The following SCHIP1 variants were observed in gnomAD, a reference collection of about 807,000 sequenced individuals.
SCHIP1 encodes schwannomin-interacting protein 1.
A neutral mutation model predicts 29.7 loss-of-function variants in SCHIP1; 8 were observed. That is an observed-to-expected ratio of 0.27 (90% confidence interval 0.16 to 0.49). The LOEUF (loss-of-function observed/expected upper bound fraction) is 0.49, where lower values mean the gene tolerates loss of function less well. Ranked by LOEUF, SCHIP1 falls within the 20% of genes least tolerant of loss-of-function variation. The probability of loss-of-function intolerance (pLI) is 0.99; values close to 1 mark genes in which losing one functional copy is unlikely to be tolerated. For synonymous variants in SCHIP1, 76 were observed against 94.9 expected (o/e 0.80, Z 1.16); for missense variants, 193 against 294.6 (o/e 0.66, Z 2.52).
the SCHIP1 span, among the ~76,000 whole-genome samples, chr3:159,646,970 A>C: frequency 2.1e-4 from 32 of 152,274 alleles, 1 homozygote; most frequent in African/African-American, 7.5e-4. Flanking sequence ...ATATCCATGT[A>C]GATCTGGAAC....
At chr3:159,497,467 A>G in the SCHIP1 span, among the ~76,000 whole-genome samples, 2 of 152,030 alleles carry the variant, frequency 1.3e-5, no homozygotes, top group Admixed American at 1.3e-4. Flanking sequence ...TAATCTTCAA[A>G]ACCACCCCCA....
the SCHIP1 span, among the ~76,000 whole-genome samples, chr3:159,286,729 G>T: frequency 2.0e-5 from 3 of 152,068 alleles, no homozygotes; most frequent in Non-Finnish European, 4.4e-5. Flanking sequence ...AATCTTACCA[G>T]CACCTGTTAT....
At chr3:159,546,558 G>C in the SCHIP1 span, among the ~76,000 whole-genome samples, 1 of 152,010 alleles carries the variant, frequency 6.6e-6, no homozygotes, top group South Asian at 2.1e-4. Flanking sequence ...TTGTCCTAAA[G>C]CTATCCTTCC....
At chr3:159,468,365 AATAG>A in the SCHIP1 span, among the ~76,000 whole-genome samples, 1 of 152,144 alleles carries the variant, frequency 6.6e-6, no homozygotes, top group Non-Finnish European at 1.5e-5. Flanking sequence ...AAATTTGGGA[AATAG>A]ATAAACAGCA....
chr3:159,815,965 T>TTATTTATG, the SCHIP1 span, among the ~76,000 whole-genome samples: 1 of 151,768 alleles, frequency 6.6e-6, no homozygotes, highest in African/African-American at 2.4e-5. Flanking sequence ...ATTTATTTAT[T>TTATTTATG]TGAGACAGCA....
intron 2 of SCHIP1, among the ~76,000 whole-genome samples, chr3:159,871,464 G>T (rs184588288): frequency 1.2e-3 from 190 of 152,192 alleles, no homozygotes; most frequent in South Asian, 2.7e-3. Context: ...GCAAGACTTC[G>T]TCTCTATTTT....
At chr3:159,488,949 C>G in the SCHIP1 span, among the ~76,000 whole-genome samples, 1 of 152,204 alleles carries the variant, frequency 6.6e-6, no homozygotes, top group Non-Finnish European at 1.5e-5. Flanking sequence ...GAAGATAACT[C>G]TAAGCCCCTG....
the SCHIP1 span, among the ~76,000 whole-genome samples, chr3:159,425,980 T>A: frequency 6.6e-6 from 1 of 152,136 alleles, no homozygotes; most frequent in Non-Finnish European, 1.5e-5. Flanking sequence ...AATAAAGATG[T>A]TCTTTGAAAC....
the SCHIP1 span, among the ~76,000 whole-genome samples, chr3:159,683,054 T>A: frequency 6.6e-6 from 1 of 152,086 alleles, no homozygotes; most frequent in Non-Finnish European, 1.5e-5. Context: ...GGAGCAGGAT[T>A]TAGGAATCTG....
chr3:159,595,328 G>C, the SCHIP1 span, among the ~76,000 whole-genome samples: 1 of 152,086 alleles, frequency 6.6e-6, no homozygotes, highest in African/African-American at 2.4e-5. Context: ...ATCATTCAGT[G>C]AAGGTTATTC....
At chr3:159,892,336 G>T in intron 6 of SCHIP1, 146 bp downstream of exon 7, 1 of 862,334 alleles carries the variant, frequency 1.2e-6, no homozygotes, top group Non-Finnish European at 1.8e-6. Context: ...CTGTTCAGAT[G>T]GAGGGGAAGC....
At chr3:159,484,606 C>G in the SCHIP1 span, among the ~76,000 whole-genome samples, 1 of 152,040 alleles carries the variant, frequency 6.6e-6, no homozygotes, top group African/African-American at 2.4e-5. Context: ...TTCTTAAATG[C>G]GGGCATTTAT....
At chr3:159,764,216 A>T in the SCHIP1 span, 1 of 478,552 alleles carries the variant, frequency 2.1e-6, no homozygotes, top group Non-Finnish European at 3.6e-6. The surrounding 1 kb of genome is among the most constrained non-coding windows in gnomAD (Gnocchi z 6.1). Flanking sequence ...CCCCTTTGCT[A>T]ATTTGAGGGT....
chr3:159,634,857 G>C, the SCHIP1 span, among the ~76,000 whole-genome samples: 1 of 151,660 alleles, frequency 6.6e-6, no homozygotes, highest in Non-Finnish European at 1.5e-5. Context: ...TCATTATTTT[G>C]ATGCCATGGC....
At chr3:159,602,108 T>A in the SCHIP1 span, among the ~76,000 whole-genome samples, 1 of 152,204 alleles carries the variant, frequency 6.6e-6, no homozygotes, top group Non-Finnish European at 1.5e-5. Context: ...ATGGTTCACA[T>A]CGCAGCAGTC....
the SCHIP1 span, among the ~76,000 whole-genome samples, chr3:159,569,153 C>T: frequency 6.6e-6 from 1 of 151,958 alleles, no homozygotes; most frequent in South Asian, 2.1e-4. Context: ...TTTGGGTTTC[C>T]TATAATCCAA....
At chr3:159,301,832 GTA>G in the SCHIP1 span, among the ~76,000 whole-genome samples, 2 of 152,100 alleles carry the variant, frequency 1.3e-5, no homozygotes, top group Admixed American at 6.6e-5. Flanking sequence ...CCAGTCCCAG[GTA>G]TGTTTTTATA....
At chr3:159,308,925 C>T in the SCHIP1 span, among the ~76,000 whole-genome samples, 5 of 152,216 alleles carry the variant, frequency 3.3e-5, no homozygotes, top group East Asian at 9.7e-4. Flanking sequence ...AAAGCAGCTA[C>T]ATACACCATG....
the SCHIP1 span, among the ~76,000 whole-genome samples, chr3:159,402,943 T>G: frequency 3.8e-4 from 58 of 151,450 alleles, no homozygotes; most frequent in Non-Finnish European, 4.4e-4. Context: ...ATAATAATAA[T>G]AAAAGAAAAA....
Sources: gnomAD v4.1 joint callset for allele counts (sites outside exome capture counted in the v4.1 genomes callset) on GRCh38, gnomAD v4.1.1 for gene constraint, Gnocchi (gnomAD v3.1) non-coding constraint, MANE v1.5 for transcripts, NCBI Gene and HGNC (gene_info 2026-07-23, HGNC 2026-07-21) for gene names.